The following MEI4 variants were observed in gnomAD, a reference collection of about 807,000 sequenced individuals.
MEI4 encodes the protein meiosis-specific protein MEI4.
Under a neutral mutation model 31.4 loss-of-function variants are expected in MEI4, and 27 were observed. The ratio of observed to expected loss-of-function variants is 0.86; its 90% CI spans 0.63 to 1.19. The LOEUF is 1.19. MEI4 is among the 50% of genes most tolerant of loss of function. MEI4 has a pLI of 0.00. For synonymous variants in MEI4, 122 were observed against 145.4 expected, an observed-to-expected ratio of 0.84 and a Z score of 1.16; for missense variants, 329 against 398.9, an observed-to-expected ratio of 0.82 and a Z score of 1.49.
At chr6:77,767,706 C>T (rs1026308567) in intron 3 of MEI4, among the ~76,000 whole-genome samples, 1 of 151,536 alleles carries the variant, frequency 6.6e-6, no homozygotes, top group East Asian at 1.9e-4. Context: ...CACACACACA[C>T]ACACACACAC....
At chr6:77,913,743 C>G in intron 4 of MEI4, among the ~76,000 whole-genome samples, 1 of 147,936 alleles carries the variant, frequency 6.8e-6, no homozygotes, top group Admixed American at 6.8e-5. Flanking sequence ...TTTAGAAAAA[C>G]TTTTGTTGAG....
rs2127745463 is a variant in MEI4, at chr6:77,926,690, C to T, written c.*3344C>T. 1 of 151,968 alleles carries T rather than the reference C, an allele frequency of 6.6e-6. No individual in the cohort carries two copies. Among genetic ancestry groups the T allele is most frequent in the East Asian group, 1.9e-4 (1 of 5,150 alleles). 9.4% of individuals were successfully genotyped at this position (151,968 alleles called of 1,614,324 possible). A position where few individuals can be genotyped will look rare whatever the true frequency, so the allele number is the denominator to read the frequency against. ...TTATTGTAACCTAATTTCATTTATT[C>T]ATCAAATATGAAGCACCAATTGTCT... On this transcript the variant is annotated 3_prime_UTR_variant, in exon 5 of 5. Coordinates refer to ENST00000684080, the MANE Select transcript of MEI4 (RefSeq NM_001322247.2).
intron 3 of MEI4, among the ~76,000 whole-genome samples, chr6:77,780,357 T>G (rs575343159): frequency 1.3e-5 from 2 of 152,128 alleles, no homozygotes; most frequent in Admixed American, 6.5e-5. Flanking sequence ...TCAGATTAAT[T>G]ACCTACAGGT....
intron 2 of MEI4, among the ~76,000 whole-genome samples, chr6:77,726,768 C>T (rs1213883076): frequency 6.6e-6 from 1 of 152,050 alleles, no homozygotes; most frequent in Non-Finnish European, 1.5e-5. Context: ...AGAGAATGGA[C>T]TAGGATGCTA....
chr6:77,751,111 T>G (rs910485944), intron 2 of MEI4, among the ~76,000 whole-genome samples: 12 of 152,214 alleles, frequency 7.9e-5, no homozygotes, highest in African/African-American at 2.6e-4. Flanking sequence ...GAGACACATT[T>G]AAAACAGTGT....
At chr6:77,896,889 T>C (rs566148676) in intron 4 of MEI4, among the ~76,000 whole-genome samples, 5 of 152,166 alleles carry the variant, frequency 3.3e-5, no homozygotes, top group African/African-American at 1.2e-4. Flanking sequence ...TTTCTCTAGA[T>C]ACAAAGTAGC....
intron 3 of MEI4, among the ~76,000 whole-genome samples, chr6:77,790,095 G>A (rs1768875229): frequency 6.6e-6 from 1 of 151,972 alleles, no homozygotes; most frequent in Non-Finnish European, 1.5e-5. Context: ...ATGAGTTCAT[G>A]TCCTTTGTAG....
intron 4 of MEI4, among the ~76,000 whole-genome samples, chr6:77,870,793 T>A (rs1771171945): frequency 6.6e-6 from 1 of 152,180 alleles, no homozygotes; most frequent in Admixed American, 6.6e-5. Flanking sequence ...CAAAAGAAGC[T>A]TGTGTTTTGA....
chr6:77,856,925 A>G (rs189770777), intron 4 of MEI4, among the ~76,000 whole-genome samples: 1 of 152,228 alleles, frequency 6.6e-6, no homozygotes, highest in African/African-American at 2.4e-5. Context: ...TATGTTAATA[A>G]TTATTTGGAC....
chr6:77,736,110 G>A (rs1172122929), intron 2 of MEI4, among the ~76,000 whole-genome samples: 1 of 152,084 alleles, frequency 6.6e-6, no homozygotes, highest in African/African-American at 2.4e-5. Context: ...TGCCCCCAGA[G>A]GTGGAGCCTA....
chr6:77,791,736 C>T (rs1310192287), intron 3 of MEI4, among the ~76,000 whole-genome samples: 1 of 151,036 alleles, frequency 6.6e-6, no homozygotes, highest in Non-Finnish European at 1.5e-5. Context: ...AGCTAACTGA[C>T]AGTGTTATTA....
rs76818291 is a variant in MEI4, at chr6:77,911,474, A to G, written c.901-11615A>G. On this transcript the variant is annotated intron_variant, in intron 4 of 4. Transcript: ENST00000684080. ...CCCCCTCCTTCTGACCCTACCTGCT[A>G]TAGTAGTCCCTGGTGTCTATTTTTC... Among the ~76,000 whole-genome samples the G allele has an allele frequency of 3.2e-3, 479 of 151,876 alleles. 2 individuals carry two copies. The highest frequency in any genetic ancestry group is 0.011 in the African/African-American group (464 of 41,476).
chr6:77,813,881 G>C (rs1412778493), intron 3 of MEI4, among the ~76,000 whole-genome samples: 1 of 151,932 alleles, frequency 6.6e-6, no homozygotes. Flanking sequence ...GGACCTATCT[G>C]TATATTTCAT....
intron 4 of MEI4, among the ~76,000 whole-genome samples, chr6:77,853,694 A>G (rs909363985): frequency 6.6e-6 from 1 of 152,198 alleles, no homozygotes; most frequent in Admixed American, 6.6e-5. Flanking sequence ...CATCTAAAAT[A>G]TGGCCTGTAT....
At chr6:77,881,779 A>C in intron 4 of MEI4, among the ~76,000 whole-genome samples, 1 of 152,246 alleles carries the variant, frequency 6.6e-6, no homozygotes. Flanking sequence ...ATTGAACAGT[A>C]TTATATGACA....
intron 1 of MEI4, among the ~76,000 whole-genome samples, chr6:77,672,103 A>G (rs1179038508): frequency 6.6e-6 from 1 of 152,232 alleles, no homozygotes; most frequent in Non-Finnish European, 1.5e-5. Context: ...GTAACAGGTG[A>G]TCTTTCTACT....
Position 77,676,476 on chromosome 6 carries a change from G to A in MEI4, c.-14-14182G>A, listed in dbSNP as rs532706162. 5.9e-5 allele frequency among the ~76,000 whole-genome samples: 9 copies of A among 152,088 alleles called. No individual in the cohort carries two copies. The South Asian group carries it at 1.0e-3, about 18-fold the overall frequency. ...TAGGAGACTGAGGCTACAGTGAACC[G>A]TGATCATGCCACTGCACTCCAGCCT... On this transcript the variant is annotated intron_variant, in intron 1 of 4. Transcript: ENST00000684080.
At chr6:77,693,387 A>AAGGG (rs1324715565) in intron 2 of MEI4, among the ~76,000 whole-genome samples, 1 of 152,070 alleles carries the variant, frequency 6.6e-6, no homozygotes, top group Non-Finnish European at 1.5e-5. Flanking sequence ...CTTGTTTACT[A>AAGGG]TCCAAGGGTC....
intron 2 of MEI4, among the ~76,000 whole-genome samples, chr6:77,755,685 G>C (rs186253176): frequency 1.4e-3 from 207 of 151,850 alleles, no homozygotes; most frequent in Middle Eastern, 3.4e-3. Flanking sequence ...CCATGTGCTG[G>C]GTGTTTATTA....
Sources: gnomAD v4.1 joint callset for allele counts (sites outside exome capture counted in the v4.1 genomes callset) on GRCh38, gnomAD v4.1.1 for gene constraint, MANE v1.5 for transcripts, NCBI Gene and HGNC (gene_info 2026-07-23, HGNC 2026-07-21) for gene names.